TENM3: variants seen among roughly 807,000 people sequenced by gnomAD.
TENM3 encodes teneurin-3.
Under a neutral mutation model 255.1 loss-of-function variants are expected in TENM3, and 63 were observed. The ratio of observed to expected loss-of-function variants is 0.25; its 90% CI spans 0.20 to 0.30. The LOEUF is 0.30. Ranked by LOEUF, TENM3 falls within the 10% of genes least tolerant of loss-of-function variation. The pLI, the probability that TENM3 is intolerant of heterozygous loss-of-function variation, is 1.00. For synonymous variants in TENM3, 1,306 were observed against 1,322.3 expected (o/e 0.99, Z 0.27); for missense variants, 2,929 against 3,461.1 (o/e 0.85, Z 3.86).
chr4:182,064,444 G>T, the TENM3 span, among the ~76,000 whole-genome samples: 1 of 152,038 alleles, frequency 6.6e-6, no homozygotes, highest in South Asian at 2.1e-4. Context: ...CGGGCGTGGT[G>T]GCGGGCGCCT....
the TENM3 span, among the ~76,000 whole-genome samples, chr4:181,449,810 A>G: frequency 6.6e-6 from 1 of 152,304 alleles, no homozygotes; most frequent in South Asian, 2.1e-4. Flanking sequence ...GAATAGATAA[A>G]TAAATAACAA....
At chr4:181,528,616 A>C in the TENM3 span, among the ~76,000 whole-genome samples, 1 of 152,234 alleles carries the variant, frequency 6.6e-6, no homozygotes, top group African/African-American at 2.4e-5. Context: ...CAATCCTACG[A>C]GGTAGGTTGA....
chr4:181,869,174 T>A, the TENM3 span, among the ~76,000 whole-genome samples: 1 of 152,172 alleles, frequency 6.6e-6, no homozygotes, highest in Non-Finnish European at 1.5e-5. Flanking sequence ...CAAATCACAG[T>A]GTGATATTTT....
chr4:182,223,783 CAAAA>C (rs61535632), intron 1 of TENM3, among the ~76,000 whole-genome samples: 5 of 112,994 alleles, frequency 4.4e-5, no homozygotes, highest in Non-Finnish European at 5.2e-5. Context: ...GATAGATTGG[CAAAA>C]AAAAAAAAAA....
At chr4:181,523,815 C>T in the TENM3 span, among the ~76,000 whole-genome samples, 1 of 152,174 alleles carries the variant, frequency 6.6e-6, no homozygotes, top group South Asian at 2.1e-4. Flanking sequence ...GAAGTATCTG[C>T]GTCCTTTGGT....
chr4:181,806,350 T>C, the TENM3 span, among the ~76,000 whole-genome samples: 5 of 152,228 alleles, frequency 3.3e-5, no homozygotes, highest in Admixed American at 6.5e-5. Context: ...TCCTCGACTG[T>C]GCTACCTGTC....
the TENM3 span, among the ~76,000 whole-genome samples, chr4:181,950,864 G>A: frequency 6.6e-6 from 1 of 152,048 alleles, no homozygotes. Context: ...AACATAGTGG[G>A]ATCCTGTCTC....
At chr4:182,635,917 G>A (rs1389308224) in intron 5 of TENM3, among the ~76,000 whole-genome samples, 2 of 152,156 alleles carry the variant, frequency 1.3e-5, no homozygotes, top group African/African-American at 2.4e-5. Flanking sequence ...GGTCAGAAGG[G>A]AAAATACGCC....
At chr4:182,150,365 A>C (rs1488998541) in intron 1 of TENM3, among the ~76,000 whole-genome samples, 1 of 152,038 alleles carries the variant, frequency 6.6e-6, no homozygotes. Context: ...CTAAAGGGAA[A>C]ATTTTGTCAT....
chr4:181,643,331 C>T, the TENM3 span, among the ~76,000 whole-genome samples: 7 of 151,996 alleles, frequency 4.6e-5, no homozygotes, highest in African/African-American at 1.7e-4. Flanking sequence ...GATTTTTGCA[C>T]ATTAATTTTG....
At chr4:182,419,835 A>G (rs987324219) in intron 3 of TENM3, among the ~76,000 whole-genome samples, 8 of 141,438 alleles carry the variant, frequency 5.7e-5, no homozygotes, top group African/African-American at 2.1e-4. Flanking sequence ...ACACTTGGAC[A>G]CGGGGTGAGG....
chr4:182,356,856 C>A (rs71620925), intron 3 of TENM3, among the ~76,000 whole-genome samples: 15,322 of 138,002 alleles, frequency 0.11, 977 homozygotes, highest in Non-Finnish European at 0.14. Context: ...TCCCAATGCT[C>A]TCCCTCCTCC....
intron 1 of TENM3, among the ~76,000 whole-genome samples, chr4:182,316,326 A>C (rs2675539): frequency 0.3 from 45,372 of 151,928 alleles, 7,050 homozygotes; most frequent in Middle Eastern, 0.39. Flanking sequence ...TGAAGCAAGA[A>C]CTTTCTGAGT....
At chr4:181,473,849 A>T in the TENM3 span, among the ~76,000 whole-genome samples, 1 of 146,622 alleles carries the variant, frequency 6.8e-6, no homozygotes, top group African/African-American at 2.5e-5. Context: ...ATATATATAC[A>T]GTATATATTC....
At chr4:181,485,306 TGTCAG>T in the TENM3 span, among the ~76,000 whole-genome samples, 3 of 152,278 alleles carry the variant, frequency 2.0e-5, no homozygotes, top group Admixed American at 1.3e-4. Context: ...GTCTGTAACC[TGTCAG>T]GTCCATAACT....
chr4:181,589,364 C>A, the TENM3 span, among the ~76,000 whole-genome samples: 860 of 151,982 alleles, frequency 5.7e-3, 11 homozygotes, highest in African/African-American at 0.02. Context: ...ATTGTTATAT[C>A]CCTTATGCTA....
the TENM3 span, among the ~76,000 whole-genome samples, chr4:182,114,834 C>T: frequency 6.6e-6 from 1 of 151,946 alleles, no homozygotes; most frequent in South Asian, 2.1e-4. Flanking sequence ...TATTTTTGGC[C>T]AGGACTCTAA....
chr4:182,730,095 C>T, intron 14 of TENM3, 105 bp from the exon 15 acceptor site: 2 of 1,373,912 alleles, frequency 1.5e-6, no homozygotes, highest in Non-Finnish European at 2.0e-6. Flanking sequence ...CGATGGATTG[C>T]ATAGCATAGT....
At chr4:181,480,895 T>C in the TENM3 span, among the ~76,000 whole-genome samples, 2 of 150,870 alleles carry the variant, frequency 1.3e-5, no homozygotes, top group African/African-American at 4.8e-5. Context: ...ATGATAAGGT[T>C]GAAAGGTCTT....
Sources: allele counts gnomAD v4.1 joint callset (sites outside exome capture counted in the v4.1 genomes callset), GRCh38; gene constraint gnomAD v4.1.1; transcripts MANE v1.5; gene names NCBI Gene and HGNC (gene_info 2026-07-23, HGNC 2026-07-21).